Variants in KCNK9 observed in about 807,000 individuals in gnomAD.
KCNK9 encodes the protein potassium two pore domain channel subfamily K member 9, also known as potassium channel subfamily K member 9.
Under a neutral mutation model 10.8 loss-of-function variants are expected in KCNK9, and 1 was observed. The observed-to-expected ratio is 0.09, with a 90% CI of 0.03 to 0.44. The LOEUF is 0.44. Among genes scored for constraint, KCNK9 ranks in the 20% least tolerant of loss-of-function variants. The pLI, the probability that KCNK9 is intolerant of heterozygous loss-of-function variation, is 0.97. For missense variants in KCNK9, 303 were observed against 515.0 expected (o/e 0.59, Z 3.98); for synonymous variants, 231 against 222.7 (o/e 1.04, Z -0.33).
downstream of KCNK9, among the ~76,000 whole-genome samples, chr8:139,613,680 C>A (rs1451416065): frequency 6.6e-6 from 1 of 152,220 alleles, no homozygotes. Context: ...TGGGGAAGCC[C>A]CAGAGGCCCA....
chr8:139,688,253 C>G (rs956540261), intron 1 of KCNK9, among the ~76,000 whole-genome samples: 1 of 152,202 alleles, frequency 6.6e-6, no homozygotes, highest in Non-Finnish European at 1.5e-5. Flanking sequence ...CAGGTCCCTT[C>G]ATGACTGTCT....
At position 139,693,013 on chromosome 8, in the gene KCNK9, G is replaced by A. The variant is rs529196387; in HGVS notation, c.283+9697C>T. Among the ~76,000 whole-genome samples the A allele has an allele frequency of 6.6e-6, 1 of 152,212 alleles. No homozygotes were observed. Among genetic ancestry groups the A allele is most frequent in the East Asian group, 1.9e-4 (1 of 5,154 alleles). On this transcript the variant is annotated intron_variant, in intron 1 of 1. Transcript: ENST00000520439. This position sits in a 1 kb window ranked among gnomAD's most constrained non-coding sequence, Gnocchi z 4.1. ...AGAGGCTCACCTCAGGCCCACCTGA[G>A]AGATTCACCCCAACCTCACCTGAGT...
intron 1 of KCNK9, among the ~76,000 whole-genome samples, chr8:139,676,381 G>A (rs147029524): frequency 1.6e-4 from 25 of 152,294 alleles, no homozygotes; most frequent in African/African-American, 5.8e-4. Flanking sequence ...GCTCTTTGAG[G>A]ACAGAACTAC....
chr8:139,662,191 C>T (rs911958614), intron 1 of KCNK9, among the ~76,000 whole-genome samples: 1 of 152,202 alleles, frequency 6.6e-6, no homozygotes, highest in African/African-American at 2.4e-5. Flanking sequence ...CTCCTGAGGC[C>T]CCACATCCCA....
At chr8:139,633,624 C>T (rs140762221) in intron 1 of KCNK9, among the ~76,000 whole-genome samples, 10 of 152,294 alleles carry the variant, frequency 6.6e-5, no homozygotes, top group Admixed American at 5.2e-4. Flanking sequence ...CCCAGAGGCC[C>T]GGCTCTCCCA....
In KCNK9 at chr8:139,687,478, GTATACATA is replaced by G. The variant is rs1345275899; in HGVS notation, c.283+15224_283+15231del. On this transcript the variant is annotated intron_variant, in intron 1 of 1. Coordinates refer to ENST00000520439, the MANE Select transcript of KCNK9 (RefSeq NM_001282534.2). Reference sequence around the variant, plus strand: ...TATATATTCATATATTCATATATATGTATACATATATACACATATATACATATATATGT... The same window carrying G: ...TATATATTCATATATTCATATATATGTATACACATATATACATATATATGT... Among the ~76,000 whole-genome samples, 17 of 64,474 alleles carry G rather than the reference GTATACATA, an allele frequency of 2.6e-4. 1 individual carries two copies. The highest frequency in any genetic ancestry group is 6.5e-4 in the African/African-American group (11 of 16,810). 42.3% of individuals were successfully genotyped at this position (64,474 alleles called of 152,430 possible). A position where few individuals can be genotyped will look rare whatever the true frequency, so the allele number is the denominator to read the frequency against.
At chr8:139,641,641 G>A (rs921301580) in intron 1 of KCNK9, among the ~76,000 whole-genome samples, 32 of 140,576 alleles carry the variant, frequency 2.3e-4, no homozygotes, top group East Asian at 4.3e-4. Flanking sequence ...CCCCCCCCCC[G>A]CACTTTCTGC....
At chr8:139,646,728 G>A (rs1815697441) in intron 1 of KCNK9, among the ~76,000 whole-genome samples, 1 of 152,230 alleles carries the variant, frequency 6.6e-6, no homozygotes, top group South Asian at 2.1e-4. Context: ...ATCTTTCCAG[G>A]CTTTTGAAAT....
intron 1 of KCNK9, among the ~76,000 whole-genome samples, chr8:139,677,861 G>T (rs76152350): frequency 0.036 from 1,451 of 40,536 alleles, 294 homozygotes; most frequent in African/African-American, 0.088. Context: ...CCCAGCCCAA[G>T]GGGTCCCCAT....
chr8:139,633,742 C>T (rs969901975), intron 1 of KCNK9, among the ~76,000 whole-genome samples: 1 of 152,254 alleles, frequency 6.6e-6, no homozygotes, highest in Non-Finnish European at 1.5e-5. Flanking sequence ...TGCTCTCGGT[C>T]TGTGCAGCCT....
At chr8:139,633,968 C>A (rs985485873) in intron 1 of KCNK9, among the ~76,000 whole-genome samples, 46 of 152,250 alleles carry the variant, frequency 3.0e-4, no homozygotes, top group African/African-American at 1.1e-3. Flanking sequence ...TCCCAAGCAT[C>A]CACTTATTGT....
At chr8:139,640,544 C>G (rs1815472757) in intron 1 of KCNK9, among the ~76,000 whole-genome samples, 1 of 152,206 alleles carries the variant, frequency 6.6e-6, no homozygotes, top group African/African-American at 2.4e-5. Context: ...CATCAGAACA[C>G]CTAGCATGGA....
downstream of KCNK9, among the ~76,000 whole-genome samples, chr8:139,615,144 A>G (rs1814542341): frequency 6.6e-6 from 1 of 152,236 alleles, no homozygotes; most frequent in Admixed American, 6.5e-5. Context: ...TCCAGCAACA[A>G]GAGATCTTCA....
chr8:139,602,359 A>G (rs1817392292), intron 2 of KCNK9, among the ~76,000 whole-genome samples: 1 of 152,130 alleles, frequency 6.6e-6, no homozygotes, highest in South Asian at 2.1e-4. Context: ...CTAGGTTGGC[A>G]AAGTTCAAAT....
chr8:139,637,850 G>A (rs1815386810), intron 1 of KCNK9, among the ~76,000 whole-genome samples: 2 of 151,388 alleles, frequency 1.3e-5, no homozygotes, highest in East Asian at 3.9e-4. Context: ...CCTGAACCCA[G>A]CAGCAGACCT....
chr8:139,654,068 G>T (rs1422887382), intron 1 of KCNK9, among the ~76,000 whole-genome samples: 1 of 152,254 alleles, frequency 6.6e-6, no homozygotes, highest in African/African-American at 2.4e-5. Context: ...CTAGGGCCTT[G>T]TCAAGTCAAT....
intron 1 of KCNK9, among the ~76,000 whole-genome samples, chr8:139,620,323 C>A (rs1215600160): frequency 6.6e-6 from 1 of 152,344 alleles, no homozygotes; most frequent in East Asian, 1.9e-4. Context: ...GGGACCCTGT[C>A]ACATGTTCAT....
chr8:139,652,780 C>T (rs906156506), intron 1 of KCNK9, among the ~76,000 whole-genome samples: 1 of 152,168 alleles, frequency 6.6e-6, no homozygotes, highest in African/African-American at 2.4e-5. Context: ...CTACTGGCTG[C>T]GGGAGCACCC....
At chr8:139,651,229 T>C (rs1459903205) in intron 1 of KCNK9, among the ~76,000 whole-genome samples, 1 of 152,194 alleles carries the variant, frequency 6.6e-6, no homozygotes, top group African/African-American at 2.4e-5. Context: ...TGAAGATCCA[T>C]TCAACCTGCA....
Sources: gnomAD v4.1 joint callset for allele counts (sites outside exome capture counted in the v4.1 genomes callset) on GRCh38, gnomAD v4.1.1 for gene constraint, Gnocchi (gnomAD v3.1) non-coding constraint, MANE v1.5 for transcripts, NCBI Gene and HGNC (gene_info 2026-07-23, HGNC 2026-07-21) for gene names.